Variants in RNASE11 observed in about 807,000 individuals in gnomAD.
RNASE11 encodes ribonuclease A family member 11 (inactive).
For synonymous variants in RNASE11, 105 were observed against 86.1 expected, an observed-to-expected ratio of 1.22 and a Z score of -1.21; for missense variants, 252 against 237.8, an observed-to-expected ratio of 1.06 and a Z score of -0.39.
At chr14:20,589,264 T>G (rs1884507218), upstream of RNASE11, among the ~76,000 whole-genome samples, 1 of 151,482 alleles carries the variant, frequency 6.6e-6, no homozygotes, top group South Asian at 2.1e-4. Flanking sequence ...TTTCTTTTTT[T>G]TTTTTTTTGA....
Position 20,587,511 on chromosome 14 carries a change from C to CA in RNASE11, c.-23+51dup, listed in dbSNP as rs1433415199. On this transcript the variant is annotated intron_variant, in intron 1 of 1. Transcript: ENST00000553849. Reference sequence around the variant, plus strand: ...ATTTCATCCACTTCAAAGTTTTGCCCAAAAAATGATGCTACCAAGGCCCAA... The same window carrying CA: ...ATTTCATCCACTTCAAAGTTTTGCCCAAAAAAATGATGCTACCAAGGCCCAA... 11 of 959,878 alleles carry CA rather than the reference C, an allele frequency of 1.1e-5. 1 individual carries two copies. Among genetic ancestry groups the CA allele is most frequent in the East Asian group, 1.2e-4 (1 of 8,690 alleles). 59.5% of individuals were successfully genotyped at this position (959,878 alleles called of 1,614,324 possible). A position where few individuals can be genotyped will look rare whatever the true frequency, so the allele number is the denominator to read the frequency against.
intron 1 of RNASE11, among the ~76,000 whole-genome samples, chr14:20,586,390 C>T (rs550189507): frequency 2.6e-5 from 4 of 152,082 alleles, no homozygotes; most frequent in African/African-American, 7.2e-5. Flanking sequence ...CTCTGAACTT[C>T]TTATCATTCC....
intron 1 of RNASE11, chr14:20,585,072 T>G: frequency 1.0e-6 from 1 of 985,488 alleles, no homozygotes. Flanking sequence ...TTCCACTTTG[T>G]TGCAGAGCTA....
At chr14:20,584,058 A>T (rs1884373105) in exon 2 of RNASE11, 1 of 1,614,070 alleles carries the variant, frequency 6.2e-7, no homozygotes, top group Non-Finnish European at 8.5e-7. Flanking sequence ...GATTCTGTAC[A>T]AACTTGCAGC....
upstream of RNASE11, chr14:20,590,046 G>C (rs1884533213): frequency 1.3e-6 from 1 of 758,384 alleles, no homozygotes; most frequent in South Asian, 2.2e-5. Flanking sequence ...TAGAGATAAG[G>C]GACAAAAAAT....
chr14:20,583,855 G>A, exon 2 of RNASE11: 1 of 1,584,706 alleles, frequency 6.3e-7, no homozygotes, highest in Non-Finnish European at 8.6e-7. Flanking sequence ...TAAGACCCTA[G>A]TCCTAAAGCT....
chr14:20,584,370 C>A (rs1333362105), exon 2 of RNASE11: 1 of 1,614,172 alleles, frequency 6.2e-7, no homozygotes, highest in South Asian at 1.1e-5. Context: ...TGTCATATTG[C>A]ATCTCTTCGT....
exon 2 of RNASE11, chr14:20,584,112 G>C: frequency 6.2e-7 from 1 of 1,614,192 alleles, no homozygotes; most frequent in South Asian, 1.1e-5. Flanking sequence ...TGGAGCTGCG[G>C]ATGAAGTTAT....
chr14:20,584,753 T>G (rs1231610084), intron 1 of RNASE11, among the ~76,000 whole-genome samples: 1 of 152,194 alleles, frequency 6.6e-6, no homozygotes, highest in Non-Finnish European at 1.5e-5. Flanking sequence ...ATTGTGAGAA[T>G]TACGTAAGGT....
chr14:20,583,459 TA>T (rs1273256455), downstream of RNASE11: 2 of 177,108 alleles, frequency 1.1e-5, no homozygotes, highest in Non-Finnish European at 2.4e-5. Flanking sequence ...AGAGTAGTGA[TA>T]ATAATATATG....
At chr14:20,587,598 C>G (rs1270930731) in exon 1 of RNASE11, 2 of 985,236 alleles carry the variant, frequency 2.0e-6, no homozygotes, top group African/African-American at 3.5e-5. Flanking sequence ...ATGCTGAGGG[C>G]TCTGTTTACC....
At chr14:20,589,466 G>T (rs111256329), upstream of RNASE11, among the ~76,000 whole-genome samples, 4,869 of 151,348 alleles carry the variant, frequency 0.032, 105 homozygotes, top group South Asian at 0.046. Flanking sequence ...TGTTAGCCAG[G>T]ATGGTCTCGA....
exon 2 of RNASE11, chr14:20,584,130 C>G: frequency 6.2e-7 from 1 of 1,614,220 alleles, no homozygotes; most frequent in Non-Finnish European, 8.5e-7. Context: ...TATTGCTCCA[C>G]TTGCACGATC....
chr14:20,589,534 T>C (rs1404154153), upstream of RNASE11, among the ~76,000 whole-genome samples: 1 of 145,064 alleles, frequency 6.9e-6, no homozygotes, highest in Admixed American at 6.9e-5. Flanking sequence ...ATTACAGGCG[T>C]GAGCCACCGC....
At chr14:20,590,246 A>G, upstream of RNASE11, 1 of 1,604,102 alleles carries the variant, frequency 6.2e-7, no homozygotes. Context: ...TGCCATTGAG[A>G]GAAGAGATCT....
At chr14:20,588,593 A>G (rs749716937), upstream of RNASE11, among the ~76,000 whole-genome samples, 1 of 152,110 alleles carries the variant, frequency 6.6e-6, no homozygotes, top group Non-Finnish European at 1.5e-5. Flanking sequence ...ACAGGAACAG[A>G]TGCTGCCTGA....
At chr14:20,584,936 C>T (rs541911477) in intron 1 of RNASE11, 29 of 324,018 alleles carry the variant, frequency 9.0e-5, no homozygotes, top group African/African-American at 6.5e-4. Context: ...ACATGGTAGC[C>T]ACTCGAAAAC....
chr14:20,584,566 A>G (rs1209077036), intron 1 of RNASE11, 70 bp from the exon 3 acceptor site: 1 of 1,320,628 alleles, frequency 7.6e-7, no homozygotes, highest in Non-Finnish European at 1.0e-6. Context: ...TCCTCCTGAC[A>G]GTTATTCCTG....
At chr14:20,584,744 T>A (rs1289630220) in intron 1 of RNASE11, among the ~76,000 whole-genome samples, 1 of 152,190 alleles carries the variant, frequency 6.6e-6, no homozygotes, top group African/African-American at 2.4e-5. Context: ...CTGAAAAAAA[T>A]TGTGAGAATT....
Sources: gnomAD v4.1 joint callset for allele counts (sites outside exome capture counted in the v4.1 genomes callset) on GRCh38, gnomAD v4.1.1 for gene constraint, MANE v1.5 for transcripts, NCBI Gene and HGNC (gene_info 2026-07-23, HGNC 2026-07-21) for gene names.